The following ZBTB34 variants were observed in gnomAD, a reference collection of about 807,000 sequenced individuals.
ZBTB34 encodes the protein zinc finger and BTB domain-containing protein 34.
Under a neutral mutation model 33.4 loss-of-function variants are expected in ZBTB34, and 1 was observed. That is an observed-to-expected ratio of 0.03 (90% CI 0.01 to 0.14). The LOEUF is 0.14. Ranked by LOEUF, ZBTB34 falls within the 10% of genes least tolerant of loss-of-function variation. The probability of loss-of-function intolerance (pLI) is 1.00; values close to 1 mark genes in which losing one functional copy is unlikely to be tolerated. For missense variants in ZBTB34, 406 were observed against 657.2 expected (o/e 0.62, Z 4.18); for synonymous variants, 283 against 253.5 (o/e 1.12, Z -1.11).
At chr9:126,881,386 TTATTA>T (rs956333320) in exon 2 of ZBTB34, 8 of 158,050 alleles carry the variant, frequency 5.1e-5, no homozygotes, top group African/African-American at 1.7e-4. Context: ...AATAAAACTA[TTATTA>T]TATATATAGT....
chr9:126,883,000 A>G (rs1045352992), exon 2 of ZBTB34: 7 of 166,930 alleles, frequency 4.2e-5, no homozygotes, highest in Admixed American at 6.5e-5. Flanking sequence ...AATCGGGTAT[A>G]TAGTATATGC....
At chr9:126,875,664 T>C (rs1462101678) in intron 1 of ZBTB34, among the ~76,000 whole-genome samples, 1 of 152,190 alleles carries the variant, frequency 6.6e-6, no homozygotes, top group Non-Finnish European at 1.5e-5. Context: ...TGAAACCCTC[T>C]ACTTAGTAGA....
intron 1 of ZBTB34, among the ~76,000 whole-genome samples, chr9:126,874,220 T>G (rs961104545): frequency 4.0e-5 from 6 of 150,644 alleles, no homozygotes; most frequent in African/African-American, 1.2e-4. Context: ...TTTTTTTTTT[T>G]TTTGTATTTT....
Position 126,879,884 on chromosome 9 carries a change from C to A in ZBTB34, c.485C>A (p.Ala162Asp), listed in dbSNP as rs1378674405. 2.5e-6 allele frequency: 4 copies of A among 1,612,988 alleles called. No homozygotes were observed. Among genetic ancestry groups the A allele is most frequent in the Non-Finnish European group, 8.5e-7 (1 of 1,179,880 alleles). The change falls in exon 2 of 2, where the codon GCC becomes GAC. Residue 162 changes from alanine (A) to aspartate (D), a missense_variant. By Grantham distance (126) the Ala-to-Asp change is moderately radical. Around this residue, in one of 6 missense-constraint regions of ZBTB34, gnomAD observed 137 missense variants for 173.0 expected, o/e 0.79. Coordinates refer to ENST00000319119, the Ensembl canonical transcript of ZBTB34. This position sits in a 1 kb window ranked among gnomAD's most constrained non-coding sequence, Gnocchi z 6.4. ...GGAGTGAAAGACAGCAGCTTCTTTG[C>A]CAACCCAGTGGAGATCTCTCCTCCA...
chr9:126,863,824 A>T (rs1451149712), intron 1 of ZBTB34: 1 of 499,808 alleles, frequency 2.0e-6, no homozygotes, highest in African/African-American at 2.1e-5. Flanking sequence ...GTGCCTTACT[A>T]TTTTTTAGTT....
intron 1 of ZBTB34, among the ~76,000 whole-genome samples, chr9:126,868,005 T>C (rs1295540579): frequency 6.6e-6 from 1 of 152,144 alleles, no homozygotes; most frequent in Non-Finnish European, 1.5e-5. Context: ...TTTTACTAAC[T>C]CAGTGAGGGT....
chr9:126,876,029 G>T (rs1317712837), intron 1 of ZBTB34, among the ~76,000 whole-genome samples: 1 of 151,684 alleles, frequency 6.6e-6, no homozygotes, highest in Non-Finnish European at 1.5e-5. Context: ...TTTTCTGATG[G>T]GATATTATGC....
intron 1 of ZBTB34, among the ~76,000 whole-genome samples, chr9:126,876,160 G>C (rs771582540): frequency 5.5e-3 from 77 of 14,018 alleles, no homozygotes; most frequent in Non-Finnish European, 8.3e-3. Context: ...TTTCCCTTCC[G>C]TCCTTCCCCC....
At chr9:126,866,827 T>G (rs554424611) in intron 1 of ZBTB34, among the ~76,000 whole-genome samples, 17 of 152,274 alleles carry the variant, frequency 1.1e-4, no homozygotes, top group African/African-American at 3.9e-4. Context: ...TGCAAAGGTA[T>G]AAAATAAAGT....
intron 1 of ZBTB34, among the ~76,000 whole-genome samples, chr9:126,874,774 C>T (rs1047371887): frequency 6.6e-5 from 10 of 152,178 alleles, no homozygotes; most frequent in African/African-American, 2.4e-4. Context: ...GACAGTTTCC[C>T]TGCAGCACCC....
chr9:126,881,233 GC>G, exon 2 of ZBTB34: 1 of 288,892 alleles, frequency 3.5e-6, no homozygotes, highest in South Asian at 5.1e-5. Flanking sequence ...CTGCCAAGAG[GC>G]ATACTCTTTC....
chr9:126,861,298 C>T (rs910718143), intron 1 of ZBTB34, among the ~76,000 whole-genome samples: 4 of 152,148 alleles, frequency 2.6e-5, no homozygotes, highest in Non-Finnish European at 5.9e-5. Context: ...CACTCGCGCT[C>T]AGTTGGTCCT....
chr9:126,870,684 T>A (rs1236511492), intron 1 of ZBTB34, among the ~76,000 whole-genome samples: 1 of 152,220 alleles, frequency 6.6e-6, no homozygotes, highest in Non-Finnish European at 1.5e-5. Flanking sequence ...CCCAGCACTT[T>A]GGGAGGCCGA....
At chr9:126,881,056 T>G (rs1330824797) in exon 2 of ZBTB34, 8 of 949,278 alleles carry the variant, frequency 8.4e-6, no homozygotes, top group Non-Finnish European at 1.1e-5. Context: ...GATGGAACAC[T>G]TCGTTGTGTT....
At chr9:126,862,247 G>C (rs1234693312) in intron 1 of ZBTB34, among the ~76,000 whole-genome samples, 1 of 152,130 alleles carries the variant, frequency 6.6e-6, no homozygotes, top group East Asian at 1.9e-4. Context: ...GGCAGAGAAG[G>C]GTTCATATAG....
chr9:126,877,624 C>T (rs777230860), intron 1 of ZBTB34, among the ~76,000 whole-genome samples: 8 of 152,196 alleles, frequency 5.3e-5, no homozygotes, highest in Non-Finnish European at 1.0e-4. Context: ...GTAGGTGTGC[C>T]GCAGCTGTGA....
chr9:126,861,680 T>C (rs1260125867), intron 1 of ZBTB34, among the ~76,000 whole-genome samples: 2 of 152,224 alleles, frequency 1.3e-5, no homozygotes, highest in Non-Finnish European at 2.9e-5. Context: ...TTAATCCTCA[T>C]TCATCCCTTG....
At chr9:126,866,186 C>G (rs1307663730) in intron 1 of ZBTB34, among the ~76,000 whole-genome samples, 1 of 152,028 alleles carries the variant, frequency 6.6e-6, no homozygotes, top group African/African-American at 2.4e-5. Context: ...AGTACACAGT[C>G]ACTCCCAAAT....
At chr9:126,863,904 T>C (rs2033170470) in intron 1 of ZBTB34, among the ~76,000 whole-genome samples, 1 of 152,202 alleles carries the variant, frequency 6.6e-6, no homozygotes, top group Non-Finnish European at 1.5e-5. Flanking sequence ...ATGAAACATC[T>C]TTTTTCCTAC....
Sources: gnomAD v4.1 joint callset for allele counts (sites outside exome capture counted in the v4.1 genomes callset) on GRCh38, gnomAD v4.1.1 for gene constraint, gnomAD v4.1.1 regional missense constraint, Gnocchi (gnomAD v3.1) non-coding constraint, MANE v1.5 for transcripts, NCBI Gene and HGNC (gene_info 2026-07-23, HGNC 2026-07-21) for gene names.